The following GRIP1 variants were observed in gnomAD, a reference collection of about 807,000 sequenced individuals.
GRIP1 encodes glutamate receptor-interacting protein 1.
Under a neutral mutation model 129.9 loss-of-function variants are expected in GRIP1, and 45 were observed. The observed-to-expected ratio is 0.35, with a 90% confidence interval of 0.27 to 0.44. GRIP1 has a LOEUF of 0.44. GRIP1 is among the 20% of genes least tolerant of loss of function. The pLI, the probability that GRIP1 is intolerant of heterozygous loss-of-function variation, is 1.00. For synonymous variants in GRIP1, 530 were observed against 520.8 expected (o/e 1.02, Z -0.24); for missense variants, 1,196 against 1,396.8 (o/e 0.86, Z 2.29).
At chr12:66,805,721 T>A (rs543663588), upstream of GRIP1, among the ~76,000 whole-genome samples, 1 of 152,280 alleles carries the variant, frequency 6.6e-6, no homozygotes, top group South Asian at 2.1e-4. Context: ...AAATTGATAA[T>A]GATGGAGCAG....
intron 9 of GRIP1, among the ~76,000 whole-genome samples, chr12:66,456,593 CTTT>C (rs1406948020): frequency 3.9e-5 from 6 of 152,042 alleles, no homozygotes; most frequent in Non-Finnish European, 8.8e-5. Flanking sequence ...GTTTTTTCTT[CTTT>C]TAAGATGACT....
At chr12:66,714,916 CATCCATCCAATCCA>C (rs937848411) in intron 1 of GRIP1, among the ~76,000 whole-genome samples, 7 of 150,458 alleles carry the variant, frequency 4.7e-5, no homozygotes, top group South Asian at 4.2e-4. Context: ...TCCATCCATC[CATCCATCCAATCCA>C]ATCCAATCCA....
chr12:66,410,127 G>T (rs909336271), intron 15 of GRIP1, among the ~76,000 whole-genome samples: 1 of 148,682 alleles, frequency 6.7e-6, no homozygotes, highest in Non-Finnish European at 1.5e-5. Flanking sequence ...GCGGGCGCCT[G>T]TAGTCCCAGC....
intron 7 of GRIP1, among the ~76,000 whole-genome samples, chr12:66,506,677 T>C (rs2060537457): frequency 6.6e-6 from 1 of 152,142 alleles, no homozygotes; most frequent in African/African-American, 2.4e-5. Context: ...TGTACTATAA[T>C]ACAAAAGTAA....
intron 1 of GRIP1, among the ~76,000 whole-genome samples, chr12:66,678,139 A>G (rs1844600444): frequency 1.3e-5 from 2 of 152,168 alleles, no homozygotes; most frequent in Non-Finnish European, 2.9e-5. Context: ...AGTAAACGAG[A>G]TGGCACATCC....
At chr12:67,002,576 T>C (rs2042566928) in intron 1 of GRIP1, among the ~76,000 whole-genome samples, 1 of 152,182 alleles carries the variant, frequency 6.6e-6, no homozygotes, top group Non-Finnish European at 1.5e-5. Flanking sequence ...CTCTAATCCA[T>C]TTAAAGAAAC....
chr12:66,818,443 G>A lies in GRIP1; in HGVS notation c.59-221516C>T, dbSNP rs183039243. Among the ~76,000 whole-genome samples, 288 of 152,204 alleles carry A rather than the reference G, an allele frequency of 1.9e-3. 1 individual carries two copies. Among genetic ancestry groups the A allele is most frequent in the African/African-American group, 5.3e-3 (220 of 41,534 alleles). Reference sequence around the variant, plus strand: ...AAATGAATTCATCTTGTTCATTTTTGAGAAAATGTCTGCCAAATACCCAAG... The same window carrying A: ...AAATGAATTCATCTTGTTCATTTTTAAGAAAATGTCTGCCAAATACCCAAG... On this transcript the variant is annotated intron_variant, in intron 1 of 1. Transcript: ENST00000643019.
At chr12:66,640,920 C>T (rs1348793015) in intron 1 of GRIP1, among the ~76,000 whole-genome samples, 2 of 152,176 alleles carry the variant, frequency 1.3e-5, no homozygotes, top group Non-Finnish European at 2.9e-5. Context: ...CCTTATACAA[C>T]AAGAACAGAA....
intron 1 of GRIP1, among the ~76,000 whole-genome samples, chr12:66,896,857 A>G (rs2040758226): frequency 6.6e-6 from 1 of 152,232 alleles, no homozygotes; most frequent in South Asian, 2.1e-4. Context: ...TGGTTCCAAG[A>G]TTTCAAAAAC....
At chr12:66,759,422 G>A (rs754129694) in intron 1 of GRIP1, among the ~76,000 whole-genome samples, 36 of 152,164 alleles carry the variant, frequency 2.4e-4, no homozygotes, top group Non-Finnish European at 4.7e-4. Context: ...GAGCTGCCAT[G>A]AAGGTCTCTG....
chr12:66,541,829 T>G lies in GRIP1; in HGVS notation c.258A>C (p.Gly86=). The change falls in exon 3 of 25, where the codon GGA becomes GGC. Residue 86 remains glycine (G), a synonymous_variant. Transcript: ENST00000359742. Reference sequence around the variant, plus strand: ...GAGGCAGTTACCTAGCAGCAATTCCTCCTTGCCGCAGATTAGATACTCTTG... The same window carrying G: ...GAGGCAGTTACCTAGCAGCAATTCCGCCTTGCCGCAGATTAGATACTCTTG... ...GKPRVSNLRQ[G]GIAARSDQLD... The G allele has an allele frequency of 6.2e-7, 1 of 1,614,060 alleles. No homozygotes were observed. Among genetic ancestry groups the G allele is most frequent in the Non-Finnish European group, 8.5e-7 (1 of 1,179,894 alleles).
intron 15 of GRIP1, among the ~76,000 whole-genome samples, 200 bp from the exon 16 acceptor site, chr12:66,406,628 G>A (rs2057199913): frequency 6.6e-6 from 1 of 152,172 alleles, no homozygotes; most frequent in South Asian, 2.1e-4. Flanking sequence ...AAATTGCAGA[G>A]TATTAAAAAC....
intron 1 of GRIP1, among the ~76,000 whole-genome samples, chr12:66,954,164 A>T (rs1401320160): frequency 1.3e-5 from 2 of 152,148 alleles, no homozygotes; most frequent in East Asian, 3.9e-4. Flanking sequence ...TGGTCCATCT[A>T]AATCCCTTCT....
chr12:66,758,503 C>T (rs2037370636), intron 1 of GRIP1, among the ~76,000 whole-genome samples: 1 of 152,236 alleles, frequency 6.6e-6, no homozygotes, highest in South Asian at 2.1e-4. Context: ...ATCTCATGTC[C>T]TCACATTTCA....
chr12:66,386,926 A>G (rs554592294), intron 19 of GRIP1, among the ~76,000 whole-genome samples: 23 of 152,362 alleles, frequency 1.5e-4, no homozygotes, highest in African/African-American at 5.5e-4. Context: ...TCTCTCAGAA[A>G]TCACCTCAAG....
Position 66,349,049 on chromosome 12 carries a change from C to T in GRIP1, c.3357G>A (p.Leu1119=). The change falls in exon 25 of 25, where the codon TTG becomes TTA. Residue 1119 remains leucine (L), a synonymous_variant. Coordinates refer to ENST00000359742, the MANE Select transcript of GRIP1 (RefSeq NM_001366722.1). ...ATGTATTAGTGGGTTCTCGTGTCTC[C>T]AAATTACCACCGTGGCTAGGCTGCT... ...FFQQPSHGGN[L]ETREPTNTL The T allele has an allele frequency of 6.2e-7, 1 of 1,613,774 alleles. No homozygotes were observed. The highest frequency in any genetic ancestry group is 8.5e-7 in the Non-Finnish European group (1 of 1,179,658).
chr12:66,568,123 GT>G, intron 2 of GRIP1: 17 of 280,996 alleles, frequency 6.0e-5, no homozygotes, highest in South Asian at 9.6e-5. Context: ...ATTTTACATT[GT>G]TTTTGGAAAC....
intron 15 of GRIP1, among the ~76,000 whole-genome samples, chr12:66,415,812 C>A (rs889894710): frequency 1.3e-5 from 2 of 152,134 alleles, no homozygotes; most frequent in Non-Finnish European, 2.9e-5. Flanking sequence ...AGCAAACTAA[C>A]ACAGAAACAG....
chr12:66,394,588 T>C (rs539102415), intron 16 of GRIP1, among the ~76,000 whole-genome samples: 3 of 152,340 alleles, frequency 2.0e-5, no homozygotes, highest in Non-Finnish European at 2.9e-5. Context: ...GTTTTAAATG[T>C]GTGAGATCCG....
Sources: gnomAD v4.1 joint callset for allele counts (sites outside exome capture counted in the v4.1 genomes callset) on GRCh38, gnomAD v4.1.1 for gene constraint, MANE v1.5 for transcripts, NCBI Gene and HGNC (gene_info 2026-07-23, HGNC 2026-07-21) for gene names.